NLRP13: variants seen among roughly 807,000 people sequenced by gnomAD.
NLRP13 encodes NACHT, LRR and PYD domains-containing protein 13.
In NLRP13, 82 loss-of-function variants were observed where a neutral mutation model predicts 94.4. That is an observed-to-expected ratio of 0.87 (90% confidence interval 0.73 to 1.04). NLRP13 has a LOEUF of 1.04. NLRP13 is among the 50% of genes least tolerant of loss of function. NLRP13 has a pLI of 0.00. For missense variants in NLRP13, 1,426 were observed against 1,230.8 expected, an observed-to-expected ratio of 1.16 and a Z score of -2.37; for synonymous variants, 553 against 464.7, an observed-to-expected ratio of 1.19 and a Z score of -2.45.
intron 10 of NLRP13, among the ~76,000 whole-genome samples, chr19:55,897,105 T>C (rs567192559): frequency 6.6e-5 from 10 of 152,242 alleles, no homozygotes; most frequent in Non-Finnish European, 1.2e-4. Context: ...TTATTCTAAA[T>C]TCAACAATAC....
In NLRP13 at chr19:55,910,717, A is replaced by C; in HGVS notation, c.2128T>G (p.Ser710Ala). The C allele has an allele frequency of 6.2e-7, 1 of 1,608,140 alleles. No homozygotes were observed. The highest frequency in any genetic ancestry group is 8.5e-7 in the Non-Finnish European group (1 of 1,175,488). ...ATGCTGTTCCATGCGTGCATCCTGG[A>C]ATCAAACTTGCTTGTCCTTCATGAG... ...LEILETSKFD[S>A]RMHAWNSICS... Residue 710 changes from serine (S) to alanine (A), a missense_variant, in exon 6 of 11, where the codon TCC (serine) becomes GCC (alanine). Transcript: ENST00000342929.
In NLRP13 at chr19:55,904,891, A is replaced by G. The variant is rs779828761; in HGVS notation, c.2618+51T>C. 1.2e-5 allele frequency: 18 copies of G among 1,474,738 alleles called. No homozygotes were observed. The South Asian group carries it at 2.2e-4, about 18-fold the overall frequency. The allele number at this position is 1,474,738 out of a possible 1,614,324, so 91.4% of individuals were successfully genotyped here. A position where few individuals can be genotyped will look rare whatever the true frequency, so the allele number is the denominator to read the frequency against. On this transcript the variant is annotated intron_variant, in intron 8 of 10. Coordinates refer to ENST00000342929, the MANE Select transcript of NLRP13 (RefSeq NM_176810.2). ...TCAAATGAAGAAACCATTGTTCTAG[A>G]TATCTGTGCCCATAGAGTCATATCT...
chr19:55,930,900 A>ATTTTTTTT (rs56336813), intron 1 of NLRP13, among the ~76,000 whole-genome samples: 7 of 105,152 alleles, frequency 6.7e-5, no homozygotes, highest in South Asian at 3.0e-4. Context: ...ATATATATAA[A>ATTTTTTTT]ATTTTAACCA....
chr19:55,891,725 A>G (rs568240926), downstream of NLRP13: 18 of 215,096 alleles, frequency 8.4e-5, no homozygotes, highest in Non-Finnish European at 1.5e-4. Flanking sequence ...AATTCTCTCA[A>G]CACCTCCAAG....
chr19:55,925,561 T>C (rs1203405703), intron 1 of NLRP13, among the ~76,000 whole-genome samples: 1 of 152,158 alleles, frequency 6.6e-6, no homozygotes, highest in African/African-American at 2.4e-5. Context: ...TCTAATATCT[T>C]TGGAGTAGAA....
chr19:55,919,379 A>G (rs1568443844), intron 4 of NLRP13, among the ~76,000 whole-genome samples: 2 of 152,124 alleles, frequency 1.3e-5, no homozygotes, highest in Admixed American at 6.5e-5. Flanking sequence ...CAGAGCAATC[A>G]GGCAAGAGAA....
intron 1 of NLRP13, among the ~76,000 whole-genome samples, chr19:55,931,758 A>T (rs1168324944): frequency 9.7e-6 from 1 of 103,146 alleles, no homozygotes; most frequent in Non-Finnish European, 2.2e-5. Context: ...GGCTTATAAC[A>T]TAACTGAATG....
chr19:55,891,943 TC>T (rs1985860883), downstream of NLRP13: 3 of 418,048 alleles, frequency 7.2e-6, no homozygotes, highest in Admixed American at 1.3e-4. Context: ...GGCCAGGATG[TC>T]CTGGTGGCTT....
chr19:55,932,159 G>A lies in NLRP13; in HGVS notation c.153C>T (p.His51=), dbSNP rs1167330253. The A allele has an allele frequency of 2.5e-6, 4 of 1,614,202 alleles. No individual in the cohort carries two copies. Among genetic ancestry groups the A allele is most frequent in the South Asian group, 2.2e-5 (2 of 91,086 alleles). ...LMDFWSAPQG[H]FPRIPWANLR... is the part of the protein sequence containing the mutation. ...AGTTTGCCCAGGGGATACGCGGGAA[G>A]TGCCCCTGGGGGGCCGACCAGAAGT... Residue 51 remains histidine (H), a synonymous_variant, in exon 1 of 11, where the codon CAC becomes CAT. Transcript: ENST00000342929.
downstream of NLRP13, among the ~76,000 whole-genome samples, chr19:55,894,932 G>A (rs1985961328): frequency 6.6e-6 from 1 of 152,142 alleles, no homozygotes. Context: ...AGCGACATGT[G>A]GCTGTTAAGA....
intron 4 of NLRP13, among the ~76,000 whole-genome samples, chr19:55,917,223 A>T (rs945366903): frequency 6.6e-6 from 1 of 152,144 alleles, no homozygotes; most frequent in Non-Finnish European, 1.5e-5. Flanking sequence ...AAGGAGTTCT[A>T]AACATGGAAC....
chr19:55,899,437 C>T (rs766550219), intron 9 of NLRP13, among the ~76,000 whole-genome samples: 6 of 151,936 alleles, frequency 3.9e-5, no homozygotes, highest in Middle Eastern at 3.2e-3. Context: ...GACAAGGAAG[C>T]GACAGGAGGA....
At chr19:55,915,226 G>C (rs1265531631) in intron 4 of NLRP13, among the ~76,000 whole-genome samples, 2 of 152,166 alleles carry the variant, frequency 1.3e-5, no homozygotes, top group African/African-American at 4.8e-5. Context: ...CAAAGAAAAA[G>C]TAAGTGTTGT....
intron 9 of NLRP13, 131 bp downstream of exon 9, chr19:55,901,904 A>G (rs891571020): frequency 2.3e-5 from 22 of 950,974 alleles, no homozygotes; most frequent in African/African-American, 5.0e-5. Flanking sequence ...CCCCGACAAA[A>G]CCAGAAGCTC....
chr19:55,921,946 G>A (rs1361352640), intron 4 of NLRP13, among the ~76,000 whole-genome samples: 1 of 152,170 alleles, frequency 6.6e-6, no homozygotes. Flanking sequence ...TGCTAGTAAA[G>A]ACATACCCAA....
intron 1 of NLRP13, among the ~76,000 whole-genome samples, chr19:55,931,740 A>AAGACAGAAAGACAGAAAGAC (rs1276767857): frequency 6.9e-6 from 1 of 144,820 alleles, no homozygotes; most frequent in Admixed American, 7.1e-5. Context: ...GAAAGAAAGA[A>AAGACAGAAAGACAGAAAGAC]AGAAAAAGGC....
intron 9 of NLRP13, 59 bp downstream of exon 9, chr19:55,901,976 G>A: frequency 6.4e-7 from 1 of 1,555,484 alleles, no homozygotes. Flanking sequence ...AGGCATTGGT[G>A]GGTCAATTCC....
At chr19:55,908,927 AAATGAAGGCCACAGCCCCCTCTGCCTGC>A (rs1448126580) in intron 6 of NLRP13, among the ~76,000 whole-genome samples, 1 of 152,236 alleles carries the variant, frequency 6.6e-6, no homozygotes, top group African/African-American at 2.4e-5. Context: ...TTAAAAAAAT[AAATGAAGGCCACAGCCCCCTCTGCCTGC>A]CTCTCATGAG....
intron 6 of NLRP13, among the ~76,000 whole-genome samples, chr19:55,910,099 C>T (rs1370544732): frequency 6.6e-6 from 1 of 152,198 alleles, no homozygotes; most frequent in Non-Finnish European, 1.5e-5. Context: ...TATCTGTGGG[C>T]TTCACTGCTA....
Sources: gnomAD v4.1 joint callset for allele counts (sites outside exome capture counted in the v4.1 genomes callset) on GRCh38, gnomAD v4.1.1 for gene constraint, MANE v1.5 for transcripts, NCBI Gene and HGNC (gene_info 2026-07-23, HGNC 2026-07-21) for gene names.